The following PLEKHG4B variants were observed in gnomAD, a reference collection of about 807,000 sequenced individuals.
The protein encoded by PLEKHG4B is pleckstrin homology domain-containing family G member 4B.
Under a neutral mutation model 121.3 loss-of-function variants are expected in PLEKHG4B, and 111 were observed. The ratio of observed to expected loss-of-function variants is 0.92; its 90% CI spans 0.78 to 1.07. The LOEUF (loss-of-function observed/expected upper bound fraction) is 1.07. Ranked by LOEUF, PLEKHG4B falls within the 50% of genes least tolerant of loss-of-function variation. PLEKHG4B has a pLI of 0.00. For missense variants in PLEKHG4B, 1,831 were observed against 1,757.8 expected (o/e 1.04, Z -0.74); for synonymous variants, 738 against 725.0 (o/e 1.02, Z -0.29).
At chr5:107,698 G>A (rs1395846100) in intron 1 of PLEKHG4B, among the ~76,000 whole-genome samples, 1 of 152,188 alleles carries the variant, frequency 6.6e-6, no homozygotes, top group Non-Finnish European at 1.5e-5. Context: ...CCTGGGCTGG[G>A]GCTTGGTAGG....
intron 13 of PLEKHG4B, among the ~76,000 whole-genome samples, chr5:166,819 C>T (rs1315854414): frequency 6.6e-6 from 1 of 152,206 alleles, no homozygotes; most frequent in Admixed American, 6.5e-5. Flanking sequence ...TTTAGGTTGC[C>T]AGACTCAGTG....
chr5:170,666 A>G (rs1036625352), intron 14 of PLEKHG4B, among the ~76,000 whole-genome samples: 3 of 152,116 alleles, frequency 2.0e-5, no homozygotes, highest in Non-Finnish European at 4.4e-5. Flanking sequence ...GATTGTGGCA[A>G]TTTTAAATGT....
intron 1 of PLEKHG4B, among the ~76,000 whole-genome samples, chr5:107,332 G>C (rs1024599670): frequency 2.6e-5 from 4 of 152,184 alleles, no homozygotes; most frequent in Non-Finnish European, 5.9e-5. Flanking sequence ...GCTCTCCTCT[G>C]CTCTGGGCCC....
At position 137,916 on chromosome 5, in the gene PLEKHG4B, C is replaced by G. The variant is rs1735031600; in HGVS notation, c.244-1567C>G. On this transcript the variant is annotated intron_variant, in intron 2 of 19. Coordinates refer to ENST00000637938, the MANE Select transcript of PLEKHG4B (RefSeq NM_052909.5). The surrounding 1 kb of genome is among the most constrained non-coding windows in gnomAD (Gnocchi z 4.2). ...GCCCCACCAGGCATCCAGCCCAGGA[C>G]ACAGCTCCTCAGGCCGCCTCGCAGC... 6.6e-6 allele frequency among the ~76,000 whole-genome samples: 1 copy of G among 152,218 alleles called. No individual in the cohort carries two copies. The highest frequency in any genetic ancestry group is 1.5e-5 in the Non-Finnish European group (1 of 68,040).
In PLEKHG4B at chr5:152,500, A is replaced by C. The variant is rs539451619; in HGVS notation, c.1992+901A>C. On this transcript the variant is annotated intron_variant, in intron 7 of 19. Coordinates refer to ENST00000637938, the MANE Select transcript of PLEKHG4B (RefSeq NM_052909.5). ...CTCTGGGATTGTAGGCCTGAGCCACAGTACCTGGCCTAGTTCTTAAAAACT... is the reference window on the plus strand; with the variant it reads ...CTCTGGGATTGTAGGCCTGAGCCACCGTACCTGGCCTAGTTCTTAAAAACT... Among the ~76,000 whole-genome samples the C allele has an allele frequency of 4.6e-5, 7 of 152,242 alleles. No homozygotes were observed. The East Asian group carries it at 1.2e-3, about 25-fold the overall frequency.
intron 13 of PLEKHG4B, among the ~76,000 whole-genome samples, chr5:168,327 T>C (rs537509255): frequency 6.6e-6 from 1 of 152,292 alleles, no homozygotes; most frequent in East Asian, 1.9e-4. Context: ...TAGCCTGCTG[T>C]TGTCCACCTC....
chr5:140,441 C>G lies in PLEKHG4B; in HGVS notation c.1202C>G (p.Thr401Ser). Residue 401 changes from threonine to serine, a missense_variant, in exon 3 of 20, where the codon ACC (threonine) becomes AGC (serine). Thr to Ser is a moderately conservative substitution (Grantham distance 58). Transcript: ENST00000637938. ...GAVASGTQEE[T>S]SGPRGDPQQT... is the part of the protein sequence containing the mutation. Reference sequence around the variant, plus strand: ...GTAGCCAGTGGGACCCAGGAGGAAACCTCTGGCCCCCGGGGAGACCCCCAA... The same window carrying G: ...GTAGCCAGTGGGACCCAGGAGGAAAGCTCTGGCCCCCGGGGAGACCCCCAA... 6.4e-7 allele frequency: 1 copy of G among 1,573,540 alleles called. No individual in the cohort carries two copies. Among genetic ancestry groups the G allele is most frequent in the Non-Finnish European group, 8.6e-7 (1 of 1,160,152 alleles).
intron 2 of PLEKHG4B, among the ~76,000 whole-genome samples, chr5:123,546 C>T (rs1734528848): frequency 6.6e-6 from 1 of 152,168 alleles, no homozygotes. Flanking sequence ...ATTCAATCTA[C>T]TTAGCAGTCA....
chr5:181,790 G>T, intron 19 of PLEKHG4B, 115 bp downstream of exon 19: 3 of 1,427,166 alleles, frequency 2.1e-6, no homozygotes, highest in Non-Finnish European at 1.9e-6. Context: ...AGTGCACCAG[G>T]CCTGTCGTCA....
In PLEKHG4B at chr5:159,838, C is replaced by A. The variant is rs1219024695; in HGVS notation, c.2488-1945C>A. On this transcript the variant is annotated intron_variant, in intron 11 of 19. Transcript: ENST00000637938. This position sits in a 1 kb window ranked among gnomAD's most constrained non-coding sequence, Gnocchi z 5.5. ...CAGCTCCTTCCCTCCGACACTCCCT[C>A]ACCCTGTCCTGTGGAGTCTCGGGAC... Among the ~76,000 whole-genome samples, 1 of 152,190 alleles carries A rather than the reference C, an allele frequency of 6.6e-6. No homozygotes were observed. The highest frequency in any genetic ancestry group is 1.5e-5 in the Non-Finnish European group (1 of 68,036).
rs1377576470 is a variant in PLEKHG4B at position 184,883 on chromosome 5, AACTG to A, written c.*2565_*2568del. ...TCTCTATTAAAAATAAATAAAAGTT[AACTG>A]ACTGTTTAAACAAAAGTATTAACGT... is the stretch of plus-strand genomic sequence containing the variant. On this transcript the variant is annotated 3_prime_UTR_variant, in exon 20 of 20. Coordinates refer to ENST00000637938, the MANE Select transcript of PLEKHG4B (RefSeq NM_052909.5). The A allele has an allele frequency of 1.3e-5, 2 of 152,218 alleles. No individual in the cohort carries two copies. The highest frequency in any genetic ancestry group is 4.8e-5 in the African/African-American group (2 of 41,454). The allele number at this position is 152,218 out of a possible 1,614,324, so 9.4% of individuals were successfully genotyped here.
chr5:157,990 G>A lies in PLEKHG4B; in HGVS notation c.2487+1079G>A, dbSNP rs1031847209. ...CTGTGCATGCTCCTGGCCTCCCCAC[G>A]ACTGACCCCAGCTCCCAAATATTGG... On this transcript the variant is annotated intron_variant, in intron 11 of 19. Coordinates refer to ENST00000637938, the MANE Select transcript of PLEKHG4B (RefSeq NM_052909.5). The surrounding 1 kb of genome is among the most constrained non-coding windows in gnomAD (Gnocchi z 4.6). 9.9e-5 allele frequency among the ~76,000 whole-genome samples: 15 copies of A among 152,072 alleles called. No homozygotes were observed. Among genetic ancestry groups the A allele is most frequent in the African/African-American group, 2.9e-4 (12 of 41,428 alleles).
chr5:148,245 G>T (rs1735489074), intron 6 of PLEKHG4B, among the ~76,000 whole-genome samples: 1 of 151,416 alleles, frequency 6.6e-6, no homozygotes, highest in Non-Finnish European at 1.5e-5. Context: ...AAAAGTGGGG[G>T]GTGGGGGAGA....
rs375535588 is a variant in PLEKHG4B at position 163,574 on chromosome 5, G to A, written c.3476+26G>A. The A allele has an allele frequency of 4.8e-4, 716 of 1,500,602 alleles. 1 individual carries two copies. Among genetic ancestry groups the A allele is most frequent in the East Asian group, 2.3e-3 (95 of 41,348 alleles). The allele number at this position is 1,500,602 out of a possible 1,614,324, so 93.0% of individuals were successfully genotyped here. On this transcript the variant is annotated intron_variant, in intron 13 of 19. Transcript: ENST00000637938. ...GTGAGGTGGACGTCCCCCTCCTCTC[G>A]TCCTAGCAGTCCTTGGGGATCTAGA...
intron 18 of PLEKHG4B, among the ~76,000 whole-genome samples, chr5:180,974 A>G (rs187701813): frequency 6.6e-6 from 1 of 152,368 alleles, no homozygotes; most frequent in East Asian, 1.9e-4. Context: ...CAGCATAGGC[A>G]TTAGGACTAC....
At chr5:103,333 T>G (rs189569079) in intron 1 of PLEKHG4B, among the ~76,000 whole-genome samples, 4 of 152,180 alleles carry the variant, frequency 2.6e-5, no homozygotes, top group African/African-American at 9.7e-5. Flanking sequence ...AGGGCTCATT[T>G]TATTTTTTCT....
chr5:94,016 C>A (rs1380907472), intron 1 of PLEKHG4B, among the ~76,000 whole-genome samples: 1 of 152,180 alleles, frequency 6.6e-6, no homozygotes, highest in African/African-American at 2.4e-5. Flanking sequence ...AAAAGTCAGG[C>A]CATCTAGAGC....
chr5:173,300 GAGAAACA>G (rs1379020626), intron 17 of PLEKHG4B, among the ~76,000 whole-genome samples: 2 of 152,188 alleles, frequency 1.3e-5, no homozygotes, highest in African/African-American at 4.8e-5. Flanking sequence ...TCCAGGGGCT[GAGAAACA>G]AGTGCCTACT....
rs192332312 is a variant in PLEKHG4B, at chr5:160,563, C to T, written c.2488-1220C>T. Among the ~76,000 whole-genome samples, 154 of 152,266 alleles carry T rather than the reference C, an allele frequency of 1.0e-3. 1 individual carries two copies. The highest frequency in any genetic ancestry group is 3.4e-3 in the African/African-American group (143 of 41,564). On this transcript the variant is annotated intron_variant, in intron 11 of 19. Transcript: ENST00000637938. ...TTCTGTAGTGAATTACTTGTTCATG[C>T]TTTAGACAGTTTTTCTAGGGTTGAT... is the stretch of plus-strand genomic sequence containing the variant.
Sources: gnomAD v4.1 joint callset for allele counts (sites outside exome capture counted in the v4.1 genomes callset) on GRCh38, gnomAD v4.1.1 for gene constraint, Gnocchi (gnomAD v3.1) non-coding constraint, MANE v1.5 for transcripts, NCBI Gene and HGNC (gene_info 2026-07-23, HGNC 2026-07-21) for gene names.